FGD4: variants seen among roughly 807,000 people sequenced by gnomAD.
The protein encoded by FGD4 is FYVE, RhoGEF and PH domain containing 4.
In FGD4, 42 loss-of-function variants were observed where a neutral mutation model predicts 102.0. That is an observed-to-expected ratio of 0.41 (90% CI 0.32 to 0.53). The LOEUF is 0.53. FGD4 is among the 20% of genes least tolerant of loss of function. FGD4 has a pLI of 0.21. For missense variants in FGD4, 902 were observed against 1,078.2 expected, an observed-to-expected ratio of 0.84 and a Z score of 2.29; for synonymous variants, 380 against 375.7, an observed-to-expected ratio of 1.01 and a Z score of -0.13.
At chr12:32,637,046 T>C (rs1355514316) in intron 15 of FGD4, among the ~76,000 whole-genome samples, 1 of 96,774 alleles carries the variant, frequency 1.0e-5, no homozygotes, top group Admixed American at 1.2e-4. Context: ...AATTTTTTTC[T>C]TCTTTTTTTT....
chr12:32,524,032 T>G (rs551708213), intron 1 of FGD4, among the ~76,000 whole-genome samples: 2 of 152,010 alleles, frequency 1.3e-5, no homozygotes, highest in Admixed American at 6.6e-5. Flanking sequence ...GGCACTGATC[T>G]ACTGGAATCC....
rs144028061 is a variant in FGD4, at chr12:32,633,812, T to C, written c.2313+123T>C. ...CTCACTGCAACCTCAGCCTCCCAAG[T>C]TGCTGGAATTACAGGCCCACGCCAC... On this transcript the variant is annotated intron_variant, in intron 15 of 16. Coordinates refer to ENST00000534526, the MANE Select transcript of FGD4 (RefSeq NM_001370298.3). The C allele has an allele frequency of 0.015, 13,217 of 882,346 alleles. 142 individuals carry two copies. Among genetic ancestry groups the C allele is most frequent in the Non-Finnish European group, 0.016 (9,795 of 595,706 alleles). The allele number at this position is 882,346 out of a possible 1,614,324, so 54.7% of individuals were successfully genotyped here.
chr12:32,582,010 A>G lies in FGD4; in HGVS notation c.554A>G (p.Asn185Ser). 6.2e-7 allele frequency: 1 copy of G among 1,614,200 alleles called. No homozygotes were observed. Among genetic ancestry groups the G allele is most frequent in the South Asian group, 1.1e-5 (1 of 91,084 alleles). The change falls in exon 4 of 17, where the codon AAT becomes AGT. Residue 185 changes from asparagine (N) to serine (S), a missense_variant. Around this residue, in one of 2 missense-constraint regions of FGD4, gnomAD observed 443 missense variants for 459.2 expected, o/e 0.96. Transcript: ENST00000534526. ...DLKKESAVNL[N>S]APRTPGRHGL... ...AAGAAAGAGTCTGCTGTGAACCTAA[A>G]TGCTCCTAGAACCCCAGGAAGGCAT...
At chr12:32,567,384 C>T (rs1396162404) in intron 2 of FGD4, among the ~76,000 whole-genome samples, 1 of 152,064 alleles carries the variant, frequency 6.6e-6, no homozygotes, top group Non-Finnish European at 1.5e-5. Flanking sequence ...AGTTCTCAAG[C>T]GGAGACAGTT....
chr12:32,516,596 T>C (rs1217660351), intron 1 of FGD4, among the ~76,000 whole-genome samples: 1 of 152,246 alleles, frequency 6.6e-6, no homozygotes, highest in Non-Finnish European at 1.5e-5. Flanking sequence ...CTTACATTGA[T>C]GCATATGTAA....
At chr12:32,463,369 A>G (rs1213573788) in intron 1 of FGD4, among the ~76,000 whole-genome samples, 3 of 152,210 alleles carry the variant, frequency 2.0e-5, no homozygotes, top group Non-Finnish European at 2.9e-5. Context: ...GTAATTAAGA[A>G]TGTCAAGAGT....
chr12:32,633,210 C>T (rs1301641574), intron 14 of FGD4, among the ~76,000 whole-genome samples: 1 of 113,568 alleles, frequency 8.8e-6, no homozygotes, highest in African/African-American at 4.1e-5. Context: ...GAGAGGGGAC[C>T]GGGTTGGGAG....
chr12:32,625,853 A>C (rs920061031), intron 14 of FGD4, 74 bp downstream of exon 14: 1 of 1,592,262 alleles, frequency 6.3e-7, no homozygotes, highest in Non-Finnish European at 8.6e-7. Flanking sequence ...CTAGGGACAC[A>C]CAAAAAAATG....
intron 5 of FGD4, chr12:32,600,593 T>A: frequency 1.6e-5 from 3 of 187,084 alleles, no homozygotes; most frequent in Non-Finnish European, 2.9e-5. Context: ...TCTTTCTTTC[T>A]TTTTTTTTTT....
chr12:32,525,847 C>T (rs1406756688), intron 1 of FGD4, among the ~76,000 whole-genome samples: 1 of 152,218 alleles, frequency 6.6e-6, no homozygotes, highest in Admixed American at 6.5e-5. Flanking sequence ...TACTGAGTCC[C>T]CCAGCACTGC....
chr12:32,577,158 T>C (rs1273698644), intron 3 of FGD4, among the ~76,000 whole-genome samples: 1 of 150,730 alleles, frequency 6.6e-6, no homozygotes, highest in Admixed American at 6.7e-5. Context: ...TTTCTCCTTA[T>C]AAAACTCTCA....
In FGD4 at chr12:32,461,399, T is replaced by A. The variant is rs528879648; in HGVS notation, c.166+61440T>A. On this transcript the variant is annotated intron_variant, in intron 1 of 16. Coordinates refer to ENST00000534526, the MANE Select transcript of FGD4 (RefSeq NM_001370298.3). ...ATTTCTTCAGTCTTAGGAGCTCACA[T>A]GTTATAGAAAAATACCACAATGCTT... is the stretch of plus-strand genomic sequence containing the variant. Among the ~76,000 whole-genome samples the A allele has an allele frequency of 3.9e-5, 6 of 152,322 alleles. No individual in the cohort carries two copies. In the South Asian group the frequency reaches 1.2e-3, roughly 32 times the overall value.
chr12:32,503,147 A>C (rs1938375551), intron 1 of FGD4, among the ~76,000 whole-genome samples: 1 of 152,222 alleles, frequency 6.6e-6, no homozygotes, highest in East Asian at 1.9e-4. Flanking sequence ...GTGCCCTAAA[A>C]TATAAATGTG....
At chr12:32,606,249 C>T (rs1413629615) in intron 7 of FGD4, among the ~76,000 whole-genome samples, 1 of 151,846 alleles carries the variant, frequency 6.6e-6, no homozygotes, top group East Asian at 1.9e-4. Flanking sequence ...ATTTCAGGCC[C>T]TTATTATTTT....
intron 3 of FGD4, among the ~76,000 whole-genome samples, chr12:32,580,704 G>A (rs906033734): frequency 4.6e-5 from 7 of 152,028 alleles, no homozygotes; most frequent in Admixed American, 6.6e-5. Context: ...TGGCTAACAC[G>A]GTGAAACCCC....
At chr12:32,565,838 A>G (rs1482234442) in intron 2 of FGD4, among the ~76,000 whole-genome samples, 2 of 152,192 alleles carry the variant, frequency 1.3e-5, no homozygotes, top group African/African-American at 4.8e-5. Flanking sequence ...TACTTTTCTA[A>G]CTAAAGGGAA....
At chr12:32,617,499 C>T (rs568560757) in intron 10 of FGD4, among the ~76,000 whole-genome samples, 22 of 152,272 alleles carry the variant, frequency 1.4e-4, no homozygotes, top group African/African-American at 5.3e-4. Flanking sequence ...AATACTTGAA[C>T]AGTAGAGATC....
rs141599656 is a variant in FGD4 at position 32,522,475 on chromosome 12, A to G, written c.167-41662A>G. On this transcript the variant is annotated intron_variant, in intron 1 of 16. Transcript: ENST00000534526. Reference sequence around the variant, plus strand: ...AGAAGAAATTTGGATCAGGCAGCTCATCAAAAAATAGAGAAATGAAAGCCT... The same window carrying G: ...AGAAGAAATTTGGATCAGGCAGCTCGTCAAAAAATAGAGAAATGAAAGCCT... Among the ~76,000 whole-genome samples, 254 of 152,352 alleles carry G rather than the reference A, an allele frequency of 1.7e-3. 1 individual carries two copies. The highest frequency in any genetic ancestry group is 2.5e-3 in the Non-Finnish European group (173 of 68,036).
chr12:32,467,432 G>T (rs1373355467), intron 1 of FGD4, among the ~76,000 whole-genome samples: 5 of 152,110 alleles, frequency 3.3e-5, no homozygotes, highest in Non-Finnish European at 7.4e-5. Context: ...AGAATTCCTT[G>T]TGGTGGTATA....
Sources: allele counts gnomAD v4.1 joint callset (sites outside exome capture counted in the v4.1 genomes callset), GRCh38; gene constraint gnomAD v4.1.1; regional missense constraint gnomAD v4.1.1; transcripts MANE v1.5; gene names NCBI Gene and HGNC (gene_info 2026-07-23, HGNC 2026-07-21).